CARD14: variants seen among roughly 807,000 people sequenced by gnomAD.
CARD14 encodes the protein caspase recruitment domain-containing protein 14.
Under a neutral mutation model 111.5 loss-of-function variants are expected in CARD14, and 107 were observed. The observed-to-expected ratio is 0.96, with a 90% CI of 0.82 to 1.13. The LOEUF (loss-of-function observed/expected upper bound fraction) is 1.13, where lower values mean the gene tolerates loss of function less well. CARD14 is among the 50% of genes most tolerant of loss of function. CARD14 has a pLI of 0.00. For missense variants in CARD14, 1,322 were observed against 1,362.3 expected (o/e 0.97, Z 0.47); for synonymous variants, 617 against 579.6 (o/e 1.06, Z -0.93).
chr17:80,171,896 C>A (rs1242855478), intron 1 of CARD14, among the ~76,000 whole-genome samples: 1 of 152,214 alleles, frequency 6.6e-6, no homozygotes, highest in East Asian at 1.9e-4. Flanking sequence ...GAGGGACAAT[C>A]CAACTAGAGG....
chr17:80,174,991 T>G (rs2039992326), intron 2 of CARD14, among the ~76,000 whole-genome samples: 1 of 152,112 alleles, frequency 6.6e-6, no homozygotes, highest in African/African-American at 2.4e-5. Flanking sequence ...CTTTTTTTTT[T>G]TTAAGACAGG....
At chr17:80,190,250 C>T (rs1352941169) in intron 9 of CARD14, among the ~76,000 whole-genome samples, 2 of 152,020 alleles carry the variant, frequency 1.3e-5, no homozygotes, top group African/African-American at 2.4e-5. Context: ...ATGCAACATC[C>T]CCTCATTGTT....
chr17:80,200,035 G>A, intron 16 of CARD14, among the ~76,000 whole-genome samples: 1 of 151,960 alleles, frequency 6.6e-6, no homozygotes, highest in East Asian at 1.9e-4. Context: ...GGGTGGGAAG[G>A]TGAGCACAGA....
chr17:80,202,704 G>A lies in CARD14; in HGVS notation c.2219+284G>A, dbSNP rs570093132. On this transcript the variant is annotated intron_variant, in intron 18 of 23. Transcript: ENST00000648509. ...CATGGACGTTTGGGGCTGGATCCCC[G>A]TCTGTGGTGGGGCCGTCCTGGGCAC... is the stretch of plus-strand genomic sequence containing the variant. The A allele has an allele frequency of 4.8e-5, 46 of 967,660 alleles. 1 individual carries two copies. The highest frequency in any genetic ancestry group is 1.5e-4 in the South Asian group (8 of 53,168). 59.9% of individuals were successfully genotyped at this position (967,660 alleles called of 1,614,324 possible). A position where few individuals can be genotyped will look rare whatever the true frequency, so the allele number is the denominator to read the frequency against.
chr17:80,201,720 C>A lies in CARD14; in HGVS notation c.1852-24C>A, dbSNP rs996675020. 4 of 1,613,518 alleles carry A rather than the reference C, an allele frequency of 2.5e-6. No homozygotes were observed. The highest frequency in any genetic ancestry group is 3.3e-5 in the Admixed American group (2 of 59,998). ...GATTCAGAGTCCCGGGGGAAAGAGA[C>A]TGACCTTCTCGACTTGCCCTCAGGT... On this transcript the variant is annotated intron_variant, in intron 16 of 23. Coordinates refer to ENST00000648509, the MANE Select transcript of CARD14 (RefSeq NM_001366385.1). This position sits in a 1 kb window ranked among gnomAD's most constrained non-coding sequence, Gnocchi z 5.0.
At position 80,202,313 on chromosome 17, in the gene CARD14, C is replaced by T. The variant is rs751083330; in HGVS notation, c.2112C>T (p.His704=). ...ELQVHCNEVL[H]VTDTMFQGCG... ...AGGTGCATTGCAACGAGGTCCTGCACGTCACCGACACCATGTTCCAGGGCT... is the reference window on the plus strand; with the variant it reads ...AGGTGCATTGCAACGAGGTCCTGCATGTCACCGACACCATGTTCCAGGGCT... The change falls in exon 18 of 24, where the codon CAC becomes CAT. Residue 704 remains histidine (H), a synonymous_variant. Coordinates refer to ENST00000648509, the MANE Select transcript of CARD14 (RefSeq NM_001366385.1). 117 of 1,613,616 alleles carry T rather than the reference C, an allele frequency of 7.3e-5. No individual in the cohort carries two copies. The highest frequency in any genetic ancestry group is 1.3e-4 in the East Asian group (6 of 44,888).
chr17:80,183,937 C>T lies in CARD14; in HGVS notation c.374C>T (p.Thr125Ile). ...GGTCTCATGGAGACATCCAAGCTGA[C>T]CGAGTGCCTGGCTGGGGCCATCGGC... ...FSGLMETSKL[T>I]ECLAGAIGSL... The change falls in exon 7 of 24, where the codon ACC (threonine) becomes ATC (isoleucine). Residue 125 changes from threonine to isoleucine, a missense_variant. Physicochemically the swap from Thr to Ile is moderately conservative, Grantham distance 89 (BLOSUM62 -1). Coordinates refer to ENST00000648509, the MANE Select transcript of CARD14 (RefSeq NM_001366385.1). 1 of 1,527,596 alleles carries T rather than the reference C, an allele frequency of 6.5e-7. No individual in the cohort carries two copies. The highest frequency in any genetic ancestry group is 1.3e-5 in the South Asian group (1 of 76,014). 94.6% of individuals were successfully genotyped at this position (1,527,596 alleles called of 1,614,324 possible).
rs752302933 is a variant in CARD14 at position 80,188,524 on chromosome 17, C to G, written c.823C>G (p.Arg275Gly). 1 of 1,521,500 alleles carries G rather than the reference C, an allele frequency of 6.6e-7. No homozygotes were observed. The highest frequency in any genetic ancestry group is 2.5e-5 in the East Asian group (1 of 40,726). The allele number at this position is 1,521,500 out of a possible 1,614,324, so 94.2% of individuals were successfully genotyped here. Reference protein sequence around the residue: ...NRLKEENEKLRSLTFSLAEKD... With the variant: ...NRLKEENEKLGSLTFSLAEKD... ...CCTGAAGGAGGAGAATGAGAAACTGCGCTCGCTGACTTTCAGCCTGGTAGG... is the reference window on the plus strand; with the variant it reads ...CCTGAAGGAGGAGAATGAGAAACTGGGCTCGCTGACTTTCAGCCTGGTAGG... The change falls in exon 8 of 24, where the codon CGC becomes GGC. Residue 275 changes from arginine (R) to glycine (G), a missense_variant. Arg to Gly is a moderately radical substitution (Grantham distance 125, BLOSUM62 -2). Transcript: ENST00000648509. This position sits in a 1 kb window ranked among gnomAD's most constrained non-coding sequence, Gnocchi z 4.5.
In CARD14 at chr17:80,205,145, G is replaced by T; in HGVS notation, c.2509G>T (p.Val837Phe). The change falls in exon 21 of 24, where the codon GTT becomes TTT. Residue 837 changes from valine to phenylalanine, a missense_variant. Physicochemically the swap from Val to Phe is conservative, Grantham distance 50 (BLOSUM62 -1). Transcript: ENST00000648509. ...GCCTGTGCTCCTCGTGCCCAGGGCG[G>T]TTGGGAAGATCCTGAGCGAGAAACT... ...PRPVLLVPRAVGKILSEKLCL... is the reference protein window; with the variant it reads ...PRPVLLVPRAFGKILSEKLCL... 3.1e-6 allele frequency: 5 copies of T among 1,613,824 alleles called. No homozygotes were observed. Among genetic ancestry groups the T allele is most frequent in the Non-Finnish European group, 4.2e-6 (5 of 1,179,960 alleles).
At chr17:80,207,741 C>T in intron 23 of CARD14, 1 of 213,712 alleles carries the variant, frequency 4.7e-6, no homozygotes. Flanking sequence ...CAAATTGGCA[C>T]TCCCTCCCCC....
In CARD14 at chr17:80,202,225, C is replaced by T. The variant is rs756617941; in HGVS notation, c.2024C>T (p.Ser675Leu). 5.0e-6 allele frequency: 8 copies of T among 1,613,842 alleles called. No homozygotes were observed. The highest frequency in any genetic ancestry group is 4.0e-5 in the African/African-American group (3 of 74,894). Residue 675 changes from serine (S) to leucine (L), a missense_variant, in exon 18 of 24, where the codon TCG becomes TTG. Transcript: ENST00000648509. ...GACCTGGAGGCCAAAGTGGCGACCT[C>T]GGGGGACTCATTCTACATCCGGGTC... ...LQDLEAKVATSGDSFYIRVNL... is the reference protein window; with the variant it reads ...LQDLEAKVATLGDSFYIRVNL...
At chr17:80,171,344 G>A (rs1166836646) in intron 1 of CARD14, among the ~76,000 whole-genome samples, 1 of 145,884 alleles carries the variant, frequency 6.9e-6, no homozygotes, top group Non-Finnish European at 1.5e-5. Context: ...TTTGAGCCAG[G>A]GTCTTGCTCT....
intron 10 of CARD14, 82 bp from the exon 11 acceptor site, chr17:80,191,241 G>A: frequency 6.5e-7 from 1 of 1,532,092 alleles, no homozygotes; most frequent in East Asian, 2.3e-5. Context: ...ATGAGCGCAG[G>A]CTAGAAACAG....
chr17:80,176,162 G>A (rs1437174157), intron 2 of CARD14, among the ~76,000 whole-genome samples: 7 of 148,686 alleles, frequency 4.7e-5, no homozygotes, highest in African/African-American at 1.5e-4. Flanking sequence ...AAACACAGTG[G>A]CTCACACCTA....
In CARD14 at chr17:80,198,621, C is replaced by T. The variant is rs571048041; in HGVS notation, c.1851+30C>T. On this transcript the variant is annotated intron_variant, in intron 16 of 23. Transcript: ENST00000648509. The surrounding 1 kb of genome is among the most constrained non-coding windows in gnomAD (Gnocchi z 7.5). ...GCCGTGCGAGGCCCCTCCTGTCCCC[C>T]GGGCTCCTCATGGGGACAGTGGCAG... 5.6e-5 allele frequency: 90 copies of T among 1,610,402 alleles called. No homozygotes were observed. The highest frequency in any genetic ancestry group is 8.3e-5 in the Admixed American group (5 of 59,980).
chr17:80,183,048 G>A (rs760090794), intron 6 of CARD14, among the ~76,000 whole-genome samples: 2 of 152,202 alleles, frequency 1.3e-5, no homozygotes, highest in Admixed American at 1.3e-4. Flanking sequence ...CCCCTGAGCG[G>A]TAGGGTGGGG....
chr17:80,189,893 C>G lies in CARD14; in HGVS notation c.963+21C>G. The G allele has an allele frequency of 6.3e-7, 1 of 1,589,836 alleles. No homozygotes were observed. The highest frequency in any genetic ancestry group is 1.4e-5 in the African/African-American group (1 of 72,802). On this transcript the variant is annotated intron_variant, in intron 9 of 23. Transcript: ENST00000648509. The surrounding 1 kb of genome is among the most constrained non-coding windows in gnomAD (Gnocchi z 4.7). ...AGCAGGTGCCGTGTGAGCCCTTCCT[C>G]CCTTGTGACTCTCCTGGGGCTTGTC...
Position 80,198,339 on chromosome 17 carries a change from T to C in CARD14, c.1659-60T>C. 2 of 1,559,420 alleles carry C rather than the reference T, an allele frequency of 1.3e-6. No individual in the cohort carries two copies. The highest frequency in any genetic ancestry group is 1.7e-6 in the Non-Finnish European group (2 of 1,149,768). On this transcript the variant is annotated intron_variant, in intron 15 of 23. Transcript: ENST00000648509. The surrounding 1 kb of genome is among the most constrained non-coding windows in gnomAD (Gnocchi z 7.5). Reference sequence around the variant, plus strand: ...GGGCCAGAGGGAAGCAATGGGGAGGTGGCCTTGCCGGCTCTCCTGCTCTGG... The same window carrying C: ...GGGCCAGAGGGAAGCAATGGGGAGGCGGCCTTGCCGGCTCTCCTGCTCTGG...
intron 1 of CARD14, among the ~76,000 whole-genome samples, chr17:80,171,803 T>A (rs996275304): frequency 3.9e-5 from 6 of 152,182 alleles, no homozygotes; most frequent in Non-Finnish European, 5.9e-5. Context: ...CCTGGCTTTC[T>A]GAGTTCAGTC....
Sources: allele counts gnomAD v4.1 joint callset (sites outside exome capture counted in the v4.1 genomes callset), GRCh38; gene constraint gnomAD v4.1.1; non-coding constraint Gnocchi (gnomAD v3.1); transcripts MANE v1.5; gene names NCBI Gene and HGNC (gene_info 2026-07-23, HGNC 2026-07-21).